The following COBL variants were observed in gnomAD, a reference collection of about 807,000 sequenced individuals.
The protein encoded by COBL is protein cordon-bleu.
A neutral mutation model predicts 98.8 loss-of-function variants in COBL; 51 were observed. The ratio of observed to expected loss-of-function variants is 0.52; its 90% CI spans 0.41 to 0.65. COBL has a LOEUF of 0.65. COBL is among the 30% of genes least tolerant of loss of function. The pLI is 0.00. For missense variants in COBL, 1,617 were observed against 1,617.5 expected (o/e 1.00, Z 0.01); for synonymous variants, 634 against 651.7 (o/e 0.97, Z 0.41).
chr7:51,301,527 C>T (rs1801967243), intron 1 of COBL, among the ~76,000 whole-genome samples: 1 of 152,224 alleles, frequency 6.6e-6, no homozygotes, highest in African/African-American at 2.4e-5. Flanking sequence ...ACCAGCCGTC[C>T]CTGCCGGGCC....
intron 5 of COBL, among the ~76,000 whole-genome samples, chr7:51,179,628 A>G (rs962490443): frequency 3.9e-5 from 6 of 152,176 alleles, no homozygotes; most frequent in African/African-American, 1.4e-4. Context: ...AAATTGCTTT[A>G]TTCTGATGCT....
At chr7:51,099,091 C>CAAAAAAAAAAAAAAAAA (rs542571317) in intron 6 of COBL, among the ~76,000 whole-genome samples, 1 of 95,518 alleles carries the variant, frequency 1.0e-5, no homozygotes, top group African/African-American at 4.0e-5. Flanking sequence ...TGGCCACTAT[C>CAAAAAAAAAAAAAAAAA]AAAAAAAAAA....
chr7:51,303,411 C>T (rs1161616021), intron 1 of COBL, among the ~76,000 whole-genome samples: 2 of 152,084 alleles, frequency 1.3e-5, no homozygotes, highest in East Asian at 1.9e-4. Context: ...ACCAGCAATC[C>T]GGTCTCTGTG....
At chr7:51,233,778 G>A (rs542547136) in intron 1 of COBL, among the ~76,000 whole-genome samples, 40 of 152,324 alleles carry the variant, frequency 2.6e-4, no homozygotes, top group South Asian at 8.3e-4. Context: ...TTTTCAGGAT[G>A]TGCACATGCC....
intron 5 of COBL, among the ~76,000 whole-genome samples, chr7:51,154,112 C>A (rs1006717425): frequency 1.3e-5 from 2 of 152,184 alleles, no homozygotes; most frequent in Admixed American, 1.3e-4. Context: ...GCCTCTGAAT[C>A]CAAGCTTCTG....
chr7:51,125,356 C>T (rs1239290580), intron 6 of COBL, among the ~76,000 whole-genome samples: 1 of 152,080 alleles, frequency 6.6e-6, no homozygotes, highest in South Asian at 2.1e-4. Flanking sequence ...GAGGAACCAA[C>T]CTTGCTGACA....
At chr7:51,044,276 C>T (rs988520688) in intron 7 of COBL, among the ~76,000 whole-genome samples, 1 of 152,148 alleles carries the variant, frequency 6.6e-6, no homozygotes, top group African/African-American at 2.4e-5. Context: ...ATGTGATTCG[C>T]TGCAGGAGTT....
At chr7:51,316,389 A>G (rs1803596579) in intron 1 of COBL, 1 of 348,022 alleles carries the variant, frequency 2.9e-6, no homozygotes, top group Admixed American at 4.9e-5. Flanking sequence ...CTGGGCAACG[A>G]CCCGGGTGCC....
chr7:51,193,546 G>A lies in COBL; in HGVS notation c.289C>T (p.His97Tyr). The change falls in exon 3 of 13, where the codon CAC becomes TAC. Residue 97 changes from histidine (H) to tyrosine (Y), a missense_variant. This residue lies in a region of COBL where 238 missense variants were observed against 215.0 expected (regional missense o/e 1.11). Coordinates refer to ENST00000265136, the MANE Select transcript of COBL (RefSeq NM_015198.5). ...DLLVELCLQN[H>Y]LNPSHHALEI... ...AGGGCATGGTGGGATGGATTCAGGT[G>A]GTTCTGAAGGCAAAGTTCAACCAGT... 6.2e-7 allele frequency: 1 copy of A among 1,614,170 alleles called. No individual in the cohort carries two copies. The highest frequency in any genetic ancestry group is 8.5e-7 in the Non-Finnish European group (1 of 1,180,032).
chr7:51,097,150 G>A (rs181170048), intron 6 of COBL, among the ~76,000 whole-genome samples: 3 of 152,126 alleles, frequency 2.0e-5, no homozygotes, highest in Admixed American at 1.3e-4. Flanking sequence ...ACAATCACAC[G>A]GGATTTATTC....
chr7:51,257,239 G>A (rs1396454856), intron 1 of COBL, among the ~76,000 whole-genome samples: 1 of 152,086 alleles, frequency 6.6e-6, no homozygotes. Flanking sequence ...CCAACAACGT[G>A]CCAAAAAACA....
intron 12 of COBL, among the ~76,000 whole-genome samples, chr7:51,019,167 C>T (rs1419729678): frequency 6.6e-6 from 1 of 151,374 alleles, no homozygotes; most frequent in Non-Finnish European, 1.5e-5. Context: ...TGCTTGTGTG[C>T]TCCCAAATTC....
chr7:51,050,554 G>T lies in COBL; in HGVS notation c.1097-6862C>A, dbSNP rs1790133961. The stretch of plus-strand genomic sequence containing the variant: ...ATGTTATATCCAAAGATGAGTATGT[G>T]TTCCATGCTGGACCAATCAAAGTCC... On this transcript the variant is annotated intron_variant, in intron 7 of 12. Transcript: ENST00000265136. Among the ~76,000 whole-genome samples the T allele has an allele frequency of 2.0e-5, 3 of 152,204 alleles. No individual in the cohort carries two copies. The South Asian group carries it at 6.2e-4, about 31-fold the overall frequency.
intron 2 of COBL, among the ~76,000 whole-genome samples, chr7:51,195,061 G>T (rs1048364447): frequency 1.3e-5 from 2 of 151,988 alleles, no homozygotes; most frequent in Non-Finnish European, 2.9e-5. Context: ...GTTGCAATTG[G>T]TTTCGGAGTC....
intron 1 of COBL, among the ~76,000 whole-genome samples, chr7:51,282,202 G>C (rs1799872104): frequency 1.3e-5 from 2 of 152,044 alleles, no homozygotes; most frequent in South Asian, 4.1e-4. Context: ...AGAGATGATA[G>C]GCCATTATCC....
chr7:51,302,269 T>G (rs1022310545), intron 1 of COBL, among the ~76,000 whole-genome samples: 1 of 152,188 alleles, frequency 6.6e-6, no homozygotes, highest in Non-Finnish European at 1.5e-5. Flanking sequence ...GATAAGACCA[T>G]TAATTTTTTT....
intron 2 of COBL, among the ~76,000 whole-genome samples, chr7:51,218,714 G>C (rs577087460): frequency 9.9e-5 from 15 of 152,146 alleles, no homozygotes; most frequent in African/African-American, 3.6e-4. Context: ...GACCTCAAGT[G>C]ATTCGCCTGC....
Position 51,028,008 on chromosome 7 carries a change from G to C in COBL, c.3088C>G (p.Gln1030Glu), listed in dbSNP as rs968465295. The change falls in exon 10 of 13, where the codon CAG (glutamine) becomes GAG (glutamate). Residue 1030 changes from glutamine to glutamate, a missense_variant. Physicochemically the swap from Gln to Glu is conservative, Grantham distance 29. Around this residue, in one of 3 missense-constraint regions of COBL, gnomAD observed 1,304 missense variants for 1,282.0 expected, o/e 1.02. Coordinates refer to ENST00000265136, the MANE Select transcript of COBL (RefSeq NM_015198.5). ...TTGACCAGCTCCCTGCTGCAGGCCT[G>C]AGTGTCAGATGTGTGTGGAGGGGGT... is the stretch of plus-strand genomic sequence containing the variant. ...DPPPPHTSDT[Q>E]ACSRELVNGS... The C allele has an allele frequency of 2.5e-6, 4 of 1,603,046 alleles. No individual in the cohort carries two copies. Among genetic ancestry groups the C allele is most frequent in the Admixed American group, 1.7e-5 (1 of 59,392 alleles).
chr7:51,020,583 C>G (rs76305611), intron 12 of COBL, among the ~76,000 whole-genome samples: 1,806 of 152,286 alleles, frequency 0.012, 21 homozygotes, highest in Non-Finnish European at 0.019. Flanking sequence ...TAAAACAGAT[C>G]GACAAAGACA....
Sources: gnomAD v4.1 joint callset for allele counts (sites outside exome capture counted in the v4.1 genomes callset) on GRCh38, gnomAD v4.1.1 for gene constraint, gnomAD v4.1.1 regional missense constraint, MANE v1.5 for transcripts, NCBI Gene and HGNC (gene_info 2026-07-23, HGNC 2026-07-21) for gene names.